AGAP1: variants seen among roughly 807,000 people sequenced by gnomAD.
The protein encoded by AGAP1 is ArfGAP with GTPase domain, ankyrin repeat and PH domain 1.
Under a neutral mutation model 105.3 loss-of-function variants are expected in AGAP1, and 29 were observed. The observed-to-expected ratio is 0.28, with a 90% CI of 0.21 to 0.38. The LOEUF is 0.38. AGAP1 is among the 10% of genes least tolerant of loss of function. AGAP1 has a pLI of 1.00. For missense variants in AGAP1, 998 were observed against 1,165.1 expected (o/e 0.86, Z 2.09); for synonymous variants, 509 against 485.9 (o/e 1.05, Z -0.63).
intron 3 of AGAP1, among the ~76,000 whole-genome samples, chr2:235,718,594 C>T (rs1252191087): frequency 6.6e-6 from 1 of 152,210 alleles, no homozygotes; most frequent in East Asian, 1.9e-4. Flanking sequence ...AGCAGCTTCA[C>T]CTGTTCCCTG....
chr2:235,630,959 G>A (rs959944123), intron 1 of AGAP1, among the ~76,000 whole-genome samples: 3 of 152,218 alleles, frequency 2.0e-5, no homozygotes, highest in African/African-American at 4.8e-5. Flanking sequence ...GCCGCTGCAC[G>A]AGAGGGGCAG....
chr2:235,677,253 A>G (rs1335299024), intron 1 of AGAP1, among the ~76,000 whole-genome samples: 1 of 152,126 alleles, frequency 6.6e-6, no homozygotes, highest in Non-Finnish European at 1.5e-5. Context: ...TTTAATGGTG[A>G]CATCACTAAC....
chr2:236,006,485 T>C (rs2125541228), intron 13 of AGAP1, among the ~76,000 whole-genome samples: 1 of 152,338 alleles, frequency 6.6e-6, no homozygotes, highest in South Asian at 2.1e-4. Flanking sequence ...TATCTACAAA[T>C]ATTTCTATAT....
chr2:235,999,984 T>C (rs979269534), intron 13 of AGAP1, among the ~76,000 whole-genome samples: 8 of 152,156 alleles, frequency 5.3e-5, no homozygotes, highest in African/African-American at 1.9e-4. Flanking sequence ...TCATAGACCA[T>C]TGATCCTGCT....
At chr2:236,094,108 A>G (rs1204381585) in intron 16 of AGAP1, among the ~76,000 whole-genome samples, 1 of 152,136 alleles carries the variant, frequency 6.6e-6, no homozygotes, top group Non-Finnish European at 1.5e-5. Flanking sequence ...ACTCAGCTGT[A>G]TAACACCTGA....
intron 12 of AGAP1, among the ~76,000 whole-genome samples, chr2:235,939,427 C>T (rs770007189): frequency 6.6e-6 from 1 of 152,168 alleles, no homozygotes; most frequent in Non-Finnish European, 1.5e-5. Context: ...CGGACACCCT[C>T]TCTCCTGTCC....
intron 1 of AGAP1, chr2:235,670,740 G>C (rs984616764): frequency 2.2e-6 from 2 of 907,458 alleles, no homozygotes; most frequent in African/African-American, 3.5e-5. Flanking sequence ...CTGGACGTGG[G>C]CGAGGTGCTC....
intron 9 of AGAP1, among the ~76,000 whole-genome samples, chr2:235,853,899 T>G (rs960783866): frequency 6.6e-6 from 1 of 151,920 alleles, no homozygotes; most frequent in Non-Finnish European, 1.5e-5. Context: ...CCCTAGTCAT[T>G]CATTGCAGAC....
At chr2:235,514,162 GCACACACA>G (rs35684926) in intron 1 of AGAP1, among the ~76,000 whole-genome samples, 1 of 150,508 alleles carries the variant, frequency 6.6e-6, no homozygotes, top group Non-Finnish European at 1.5e-5. Context: ...GTGCGCGCGC[GCACACACA>G]CACACACACA....
At chr2:235,644,693 G>A (rs1437093052) in intron 1 of AGAP1, among the ~76,000 whole-genome samples, 1 of 152,118 alleles carries the variant, frequency 6.6e-6, no homozygotes, top group Non-Finnish European at 1.5e-5. Context: ...GAACTGATAT[G>A]CAGCACAGTG....
At chr2:235,707,473 C>CCA (rs1491311694) in intron 1 of AGAP1, among the ~76,000 whole-genome samples, 1 of 14,946 alleles carries the variant, frequency 6.7e-5, no homozygotes, top group Admixed American at 6.4e-4. Context: ...CTCCCCATGA[C>CCA]CCCCCCCCCC....
In AGAP1 at chr2:235,664,387, G is replaced by C. The variant is rs937920094; in HGVS notation, c.164-44792G>C. ...CCACCACGCCCAGCTAATTTTTTTT[G>C]TATTTTTATAAATATAAAAAAGATT... is the stretch of plus-strand genomic sequence containing the variant. On this transcript the variant is annotated intron_variant, in intron 1 of 17. Coordinates refer to ENST00000304032, the MANE Select transcript of AGAP1 (RefSeq NM_001037131.3). The surrounding 1 kb of genome is among the most constrained non-coding windows in gnomAD (Gnocchi z 5.7). Among the ~76,000 whole-genome samples the C allele has an allele frequency of 2.0e-5, 3 of 151,322 alleles. No individual in the cohort carries two copies. The highest frequency in any genetic ancestry group is 4.9e-5 in the African/African-American group (2 of 41,184).
rs1387290859 is a variant in AGAP1, at chr2:235,691,535, C to A, written c.164-17644C>A. Among the ~76,000 whole-genome samples, 1 of 152,236 alleles carries A rather than the reference C, an allele frequency of 6.6e-6. No homozygotes were observed. The highest frequency in any genetic ancestry group is 1.5e-5 in the Non-Finnish European group (1 of 68,044). ...CGTGAGTCCCTCTTCCTCCACACAGCAACACTGGTTCTAAAACAGTCGGAT... is the reference window on the plus strand; with the variant it reads ...CGTGAGTCCCTCTTCCTCCACACAGAAACACTGGTTCTAAAACAGTCGGAT... On this transcript the variant is annotated intron_variant, in intron 1 of 17. Coordinates refer to ENST00000304032, the MANE Select transcript of AGAP1 (RefSeq NM_001037131.3). The surrounding 1 kb of genome is among the most constrained non-coding windows in gnomAD (Gnocchi z 4.4).
At chr2:235,508,969 A>T (rs993120742) in intron 1 of AGAP1, among the ~76,000 whole-genome samples, 1 of 152,038 alleles carries the variant, frequency 6.6e-6, no homozygotes, top group Non-Finnish European at 1.5e-5. Flanking sequence ...AAACTCCACC[A>T]CTTTAGTCGG....
intron 2 of AGAP1, among the ~76,000 whole-genome samples, chr2:235,713,855 G>A (rs1182448133): frequency 3.3e-5 from 5 of 152,158 alleles, no homozygotes; most frequent in East Asian, 1.9e-4. Context: ...TTGCTGGTTC[G>A]TAGGTGGCAT....
At position 236,089,255 on chromosome 2, in the gene AGAP1, T is replaced by C. The variant is rs1350154121; in HGVS notation, c.2115-30937T>C. On this transcript the variant is annotated intron_variant, in intron 16 of 17. Coordinates refer to ENST00000304032, the MANE Select transcript of AGAP1 (RefSeq NM_001037131.3). This position sits in a 1 kb window ranked among gnomAD's most constrained non-coding sequence, Gnocchi z 5.6. ...AGAAAAAATAAAAAGTTAAAGTCAG[T>C]CTAGTCAATTGCTTTAACACAAAGA... is the stretch of plus-strand genomic sequence containing the variant. Among the ~76,000 whole-genome samples, 1 of 152,216 alleles carries C rather than the reference T, an allele frequency of 6.6e-6. No homozygotes were observed. The highest frequency in any genetic ancestry group is 2.4e-5 in the African/African-American group (1 of 41,456).
chr2:235,797,133 G>GA (rs918339164), intron 6 of AGAP1, among the ~76,000 whole-genome samples: 5 of 150,988 alleles, frequency 3.3e-5, no homozygotes, highest in African/African-American at 1.2e-4. Context: ...GGCTTTGGGG[G>GA]AAAAAAAAAG....
rs899472067 is a variant in AGAP1, at chr2:235,734,062, C to T, written c.311-6901C>T. ...AAACTTATTTTTTACAAATTTCTGG[C>T]GCATTCATGATTGAAATTTTAAATA... On this transcript the variant is annotated intron_variant, in intron 3 of 17. Coordinates refer to ENST00000304032, the MANE Select transcript of AGAP1 (RefSeq NM_001037131.3). The surrounding 1 kb of genome is among the most constrained non-coding windows in gnomAD (Gnocchi z 5.3). Among the ~76,000 whole-genome samples the T allele has an allele frequency of 3.3e-5, 5 of 152,050 alleles. No homozygotes were observed. Among genetic ancestry groups the T allele is most frequent in the African/African-American group, 9.7e-5 (4 of 41,412 alleles).
chr2:235,569,400 T>C lies in AGAP1; in HGVS notation c.163+74551T>C, dbSNP rs1422116622. 1.3e-5 allele frequency among the ~76,000 whole-genome samples: 2 copies of C among 152,188 alleles called. No homozygotes were observed. Among genetic ancestry groups the C allele is most frequent in the East Asian group, 3.9e-4 (2 of 5,186 alleles). ...TCCCCTTGTGTATGTTATCCTTGAATCTTCCTAGCAGCCTTCCAAAGTAGG... is the reference window on the plus strand; with the variant it reads ...TCCCCTTGTGTATGTTATCCTTGAACCTTCCTAGCAGCCTTCCAAAGTAGG... On this transcript the variant is annotated intron_variant, in intron 1 of 17. Coordinates refer to ENST00000304032, the MANE Select transcript of AGAP1 (RefSeq NM_001037131.3). The surrounding 1 kb of genome is among the most constrained non-coding windows in gnomAD (Gnocchi z 5.9).
Sources: allele counts gnomAD v4.1 joint callset (sites outside exome capture counted in the v4.1 genomes callset), GRCh38; gene constraint gnomAD v4.1.1; non-coding constraint Gnocchi (gnomAD v3.1); transcripts MANE v1.5; gene names NCBI Gene and HGNC (gene_info 2026-07-23, HGNC 2026-07-21).